GNA14: variants seen among roughly 807,000 people sequenced by gnomAD.
GNA14 encodes G protein subunit alpha 14.
Under a neutral mutation model 42.0 loss-of-function variants are expected in GNA14, and 50 were observed. The ratio of observed to expected loss-of-function variants is 1.19; its 90% CI spans 0.95 to 1.51. The LOEUF (loss-of-function observed/expected upper bound fraction) is 1.51, where lower values mean the gene tolerates loss of function less well. Ranked by LOEUF, GNA14 falls within the 40% of genes most tolerant of loss-of-function variation. The probability of loss-of-function intolerance (pLI) is 0.00; values close to 1 mark genes in which losing one functional copy is unlikely to be tolerated. For synonymous variants in GNA14, 173 were observed against 163.1 expected, an observed-to-expected ratio of 1.06 and a Z score of -0.46; for missense variants, 473 against 446.2, an observed-to-expected ratio of 1.06 and a Z score of -0.54.
chr9:77,562,302 G>A (rs959681327), intron 1 of GNA14, among the ~76,000 whole-genome samples: 1 of 152,138 alleles, frequency 6.6e-6, no homozygotes, highest in Non-Finnish European at 1.5e-5. Flanking sequence ...CGTCTGCAAC[G>A]TCTTAACAGG....
chr9:77,593,718 G>A (rs887120122), intron 1 of GNA14, among the ~76,000 whole-genome samples: 1 of 152,180 alleles, frequency 6.6e-6, no homozygotes, highest in Non-Finnish European at 1.5e-5. Context: ...GCTCTGATCA[G>A]GGCTGTCACA....
intron 2 of GNA14, among the ~76,000 whole-genome samples, chr9:77,514,608 ATTTTTTTTTTTTT>A (rs34158312): frequency 5.9e-5 from 8 of 136,726 alleles, no homozygotes; most frequent in South Asian, 2.5e-4. Flanking sequence ...ATAATATCAG[ATTTTTTTTTTTTT>A]TTTTTTTTTT....
At chr9:77,576,669 C>A (rs888252456) in intron 1 of GNA14, among the ~76,000 whole-genome samples, 1 of 152,012 alleles carries the variant, frequency 6.6e-6, no homozygotes, top group African/African-American at 2.4e-5. Flanking sequence ...TTAAGTTGCC[C>A]AGTCAGTAAT....
intron 1 of GNA14, among the ~76,000 whole-genome samples, chr9:77,584,910 G>A (rs954437442): frequency 2.0e-4 from 30 of 152,136 alleles, no homozygotes; most frequent in African/African-American, 6.8e-4. Flanking sequence ...GCCGGTGGGA[G>A]TGTAGCCATG....
At chr9:77,642,948 G>C in intron 1 of GNA14, among the ~76,000 whole-genome samples, 1 of 152,118 alleles carries the variant, frequency 6.6e-6, no homozygotes, top group East Asian at 1.9e-4. Context: ...ACAATTGTTT[G>C]CATCTTACCC....
At chr9:77,485,325 G>A (rs1480592104) in intron 2 of GNA14, among the ~76,000 whole-genome samples, 1 of 152,070 alleles carries the variant, frequency 6.6e-6, no homozygotes, top group Non-Finnish European at 1.5e-5. Flanking sequence ...GTTTTATAAT[G>A]AGATTGCAGC....
At chr9:77,452,597 GTGTGTA>G in intron 2 of GNA14, among the ~76,000 whole-genome samples, 1 of 382 alleles carries the variant, frequency 2.6e-3, no homozygotes, top group Non-Finnish European at 4.1e-3. Context: ...TGTGTGTGTG[GTGTGTA>G]TGTGTATGTG....
chr9:77,438,239 C>T (rs1835670164), intron 2 of GNA14, among the ~76,000 whole-genome samples: 1 of 151,966 alleles, frequency 6.6e-6, no homozygotes, highest in Non-Finnish European at 1.5e-5. Flanking sequence ...GTTCGGAGGT[C>T]ACTACCTGGT....
intron 2 of GNA14, among the ~76,000 whole-genome samples, chr9:77,487,418 G>A (rs1458479111): frequency 1.3e-5 from 2 of 152,270 alleles, no homozygotes; most frequent in Non-Finnish European, 2.9e-5. Context: ...AAGCAGTTGA[G>A]GGAGCTTTAA....
chr9:77,528,419 A>G (rs1837475498), intron 2 of GNA14, among the ~76,000 whole-genome samples: 1 of 152,168 alleles, frequency 6.6e-6, no homozygotes, highest in Admixed American at 6.6e-5. Flanking sequence ...TATACCATAT[A>G]AAATTTTACT....
rs377208398 is a variant in GNA14, at chr9:77,598,818, C to T, written c.124+48852G>A. On this transcript the variant is annotated intron_variant, in intron 1 of 6. Transcript: ENST00000341700. ...ACTCCAATCAGCTGCTTTAAAGAGTCGTCTTTAGGAGCCCCCAATTAAGGG... is the reference window on the plus strand; with the variant it reads ...ACTCCAATCAGCTGCTTTAAAGAGTTGTCTTTAGGAGCCCCCAATTAAGGG... Among the ~76,000 whole-genome samples the T allele has an allele frequency of 1.2e-4, 18 of 152,248 alleles. No individual in the cohort carries two copies. The South Asian group carries it at 1.2e-3, about 11-fold the overall frequency.
At chr9:77,627,737 G>A (rs11145496) in intron 1 of GNA14, among the ~76,000 whole-genome samples, 42,775 of 151,878 alleles carry the variant, frequency 0.28, 6,913 homozygotes, top group African/African-American at 0.44. Flanking sequence ...TTGATGGAAC[G>A]TATCTCAAAA....
At chr9:77,564,440 A>G (rs770816572) in intron 1 of GNA14, among the ~76,000 whole-genome samples, 20 of 152,300 alleles carry the variant, frequency 1.3e-4, no homozygotes, top group Non-Finnish European at 2.5e-4. Context: ...ATTGATACCC[A>G]GAGACTACCA....
chr9:77,457,467 G>A (rs1000632959), intron 2 of GNA14, among the ~76,000 whole-genome samples: 1 of 152,164 alleles, frequency 6.6e-6, no homozygotes, highest in African/African-American at 2.4e-5. Context: ...AATTGTGTAT[G>A]CCCGTAAGCT....
chr9:77,482,588 C>T (rs946611776), intron 2 of GNA14, among the ~76,000 whole-genome samples: 1 of 152,020 alleles, frequency 6.6e-6, no homozygotes, highest in Non-Finnish European at 1.5e-5. Flanking sequence ...TTTCCTGAAT[C>T]TGAATGTTGG....
In GNA14 at chr9:77,423,803, G is replaced by A; in HGVS notation, c.*176C>T. On this transcript the variant is annotated 3_prime_UTR_variant, in exon 7 of 7. Coordinates refer to ENST00000341700, the MANE Select transcript of GNA14 (RefSeq NM_004297.4). ...TGGGATGTAAGGACTTTTAAAGTAT[G>A]TTGGTAAACTCAAATATCTTCCAAG... 2.5e-6 allele frequency: 1 copy of A among 393,172 alleles called. No individual in the cohort carries two copies. The allele number at this position is 393,172 out of a possible 1,614,324, so 24.4% of individuals were successfully genotyped here.
intron 1 of GNA14, among the ~76,000 whole-genome samples, chr9:77,579,798 T>C (rs1823187906): frequency 6.6e-6 from 1 of 152,230 alleles, no homozygotes; most frequent in Admixed American, 6.5e-5. Flanking sequence ...GGACAGAAAT[T>C]ACTGCTATTG....
At chr9:77,464,345 G>A (rs1277161568) in intron 2 of GNA14, among the ~76,000 whole-genome samples, 2 of 120,678 alleles carry the variant, frequency 1.7e-5, no homozygotes, top group African/African-American at 7.3e-5. Context: ...GTGTGTGTGT[G>A]TGTATATGTG....
At chr9:77,556,656 C>A (rs1822785814) in intron 1 of GNA14, among the ~76,000 whole-genome samples, 1 of 152,126 alleles carries the variant, frequency 6.6e-6, no homozygotes, top group African/African-American at 2.4e-5. Flanking sequence ...TCTCTCACTC[C>A]TAATCAACCC....
Sources: gnomAD v4.1 joint callset for allele counts (sites outside exome capture counted in the v4.1 genomes callset) on GRCh38, gnomAD v4.1.1 for gene constraint, MANE v1.5 for transcripts, NCBI Gene and HGNC (gene_info 2026-07-23, HGNC 2026-07-21) for gene names.